Variants in RASA1 observed in about 807,000 individuals in gnomAD.
RASA1 encodes the protein ras GTPase-activating protein 1.
Under a neutral mutation model 132.2 loss-of-function variants are expected in RASA1, and 25 were observed. The observed-to-expected ratio is 0.19, with a 90% CI of 0.14 to 0.26. RASA1 has a LOEUF of 0.26. RASA1 is among the 10% of genes least tolerant of loss of function. The pLI, the probability that RASA1 is intolerant of heterozygous loss-of-function variation, is 1.00. For missense variants in RASA1, 964 were observed against 1,299.2 expected (o/e 0.74, Z 3.97); for synonymous variants, 477 against 449.9 (o/e 1.06, Z -0.76).
chr5:87,291,976 G>T (rs539219893), intron 1 of RASA1, among the ~76,000 whole-genome samples: 1 of 152,204 alleles, frequency 6.6e-6, no homozygotes, highest in South Asian at 2.1e-4. Context: ...TATCTTCTTT[G>T]GTGAGATGTC....
intron 4 of RASA1, among the ~76,000 whole-genome samples, 187 bp from the exon 5 acceptor site, chr5:87,337,787 A>T (rs939447583): frequency 6.6e-6 from 1 of 152,076 alleles, no homozygotes; most frequent in Non-Finnish European, 1.5e-5. Context: ...AATTCAGATT[A>T]TTTATTATTT....
intron 1 of RASA1, among the ~76,000 whole-genome samples, chr5:87,275,441 A>G (rs898158324): frequency 1.3e-5 from 2 of 152,190 alleles, no homozygotes; most frequent in Admixed American, 1.3e-4. Context: ...TCTGTTGGCT[A>G]TAATGTCCAC....
intron 18 of RASA1, among the ~76,000 whole-genome samples, chr5:87,378,800 A>G (rs904347535): frequency 2.0e-5 from 3 of 152,188 alleles, no homozygotes; most frequent in Non-Finnish European, 2.9e-5. Context: ...CTACTGTACT[A>G]ATAATCTATA....
At chr5:87,332,123 T>C (rs1248847798) in intron 2 of RASA1, among the ~76,000 whole-genome samples, 2 of 152,124 alleles carry the variant, frequency 1.3e-5, no homozygotes, top group Admixed American at 1.3e-4. Flanking sequence ...TGTGAAATTA[T>C]TACTGTACTT....
At chr5:87,301,544 C>T (rs1460062228) in intron 1 of RASA1, among the ~76,000 whole-genome samples, 1 of 152,060 alleles carries the variant, frequency 6.6e-6, no homozygotes, top group East Asian at 1.9e-4. Context: ...CTTCTTGTAT[C>T]CTAGATTATT....
intron 13 of RASA1, 66 bp downstream of exon 13, chr5:87,372,261 T>A: frequency 6.9e-7 from 1 of 1,451,892 alleles, no homozygotes; most frequent in Middle Eastern, 1.7e-4. Flanking sequence ...TCTTTTTATT[T>A]TATTTTTATC....
chr5:87,287,243 T>TAC (rs1170702044), intron 1 of RASA1, among the ~76,000 whole-genome samples: 1 of 144,208 alleles, frequency 6.9e-6, no homozygotes, highest in Non-Finnish European at 1.5e-5. Flanking sequence ...ACCATATATA[T>TAC]ACCGTATATA....
At chr5:87,384,429 A>G (rs944308170) in intron 21 of RASA1, among the ~76,000 whole-genome samples, 3 of 152,124 alleles carry the variant, frequency 2.0e-5, no homozygotes, top group African/African-American at 7.2e-5. Context: ...AACTGGAACC[A>G]TTTTTACCTT....
chr5:87,391,239 T>C lies in RASA1; in HGVS notation c.*356T>C. The C allele has an allele frequency of 2.4e-6, 1 of 416,462 alleles. No individual in the cohort carries two copies. Among genetic ancestry groups the C allele is most frequent in the Non-Finnish European group, 4.4e-6 (1 of 225,608 alleles). 25.8% of individuals were successfully genotyped at this position (416,462 alleles called of 1,614,324 possible). On this transcript the variant is annotated 3_prime_UTR_variant, in exon 25 of 25. Transcript: ENST00000274376. ...CAGTTGCCAAAGTTTTGCTGTCTCTTAGAGAAAGAACTATGAAATCAACTG... is the reference window on the plus strand; with the variant it reads ...CAGTTGCCAAAGTTTTGCTGTCTCTCAGAGAAAGAACTATGAAATCAACTG...
intron 1 of RASA1, among the ~76,000 whole-genome samples, chr5:87,273,117 AG>A (rs1197912913): frequency 3.3e-5 from 5 of 152,214 alleles, no homozygotes; most frequent in Admixed American, 3.3e-4. Flanking sequence ...ATCACAAAAG[AG>A]TCAAATGACA....
intron 8 of RASA1, among the ~76,000 whole-genome samples, chr5:87,350,584 A>G (rs924769145): frequency 1.3e-5 from 2 of 151,764 alleles, no homozygotes; most frequent in South Asian, 4.1e-4. Context: ...CTTCCTACAT[A>G]CTGGAGGAAG....
intron 9 of RASA1, among the ~76,000 whole-genome samples, chr5:87,354,829 G>A (rs566284748): frequency 4.6e-5 from 7 of 152,168 alleles, no homozygotes; most frequent in Non-Finnish European, 8.8e-5. Context: ...ACACATGAAT[G>A]ATTAATAAAG....
intron 1 of RASA1, among the ~76,000 whole-genome samples, chr5:87,320,415 G>A (rs903659675): frequency 6.6e-6 from 1 of 152,166 alleles, no homozygotes; most frequent in Non-Finnish European, 1.5e-5. Flanking sequence ...GGTAATTTAT[G>A]AAGAAAAGGT....
At chr5:87,378,617 T>C (rs1761486166) in intron 18 of RASA1, 79 bp downstream of exon 18, 1 of 1,376,550 alleles carries the variant, frequency 7.3e-7, no homozygotes, top group South Asian at 1.2e-5. Context: ...AATTACATTT[T>C]AAGGAAAATA....
chr5:87,362,576 C>A lies in RASA1; in HGVS notation c.1358C>A (p.Thr453Lys), dbSNP rs1011383896. Residue 453 changes from threonine to lysine, a missense_variant, in exon 10 of 25, where the codon ACA (threonine) becomes AAA (lysine). Thr to Lys is a moderately conservative substitution (Grantham distance 78, BLOSUM62 -1). This residue lies in a region of RASA1 where 25 missense variants were observed against 18.8 expected (regional missense o/e 1.33). Transcript: ENST00000274376. Reference sequence around the variant, plus strand: ...GATCAAGAACAAGTACTCAATGACACAGTGGATGGCAAGGAAATCTATAAT... The same window carrying A: ...GATCAAGAACAAGTACTCAATGACAAAGTGGATGGCAAGGAAATCTATAAT... ...MQDQEQVLND[T>K]VDGKEIYNTI... 6.3e-7 allele frequency: 1 copy of A among 1,594,478 alleles called. No individual in the cohort carries two copies. The highest frequency in any genetic ancestry group is 8.6e-7 in the Non-Finnish European group (1 of 1,162,386).
intron 23 of RASA1, among the ~76,000 whole-genome samples, chr5:87,388,551 A>C (rs990245428): frequency 2.0e-5 from 3 of 152,154 alleles, no homozygotes; most frequent in African/African-American, 4.8e-5. Context: ...CAAAATCCGA[A>C]ACACTTCTGG....
At chr5:87,327,013 G>A (rs1028691442) in intron 1 of RASA1, among the ~76,000 whole-genome samples, 1 of 152,140 alleles carries the variant, frequency 6.6e-6, no homozygotes, top group South Asian at 2.1e-4. Flanking sequence ...TTTTTTTGAA[G>A]AAGTTTATTA....
At chr5:87,319,131 A>G (rs1322231872) in intron 1 of RASA1, among the ~76,000 whole-genome samples, 1 of 152,332 alleles carries the variant, frequency 6.6e-6, no homozygotes, top group Non-Finnish European at 1.5e-5. Flanking sequence ...GGCCTTTGGC[A>G]GCTCTGCCCC....
chr5:87,269,325 G>A (rs537228426), intron 1 of RASA1: 5 of 1,533,196 alleles, frequency 3.3e-6, no homozygotes, highest in Non-Finnish European at 4.4e-6. Context: ...CGGCTACCAA[G>A]GCAGTCATAG....
Sources: allele counts gnomAD v4.1 joint callset (sites outside exome capture counted in the v4.1 genomes callset), GRCh38; gene constraint gnomAD v4.1.1; regional missense constraint gnomAD v4.1.1; transcripts MANE v1.5; gene names NCBI Gene and HGNC (gene_info 2026-07-23, HGNC 2026-07-21).